Variants in CUBN observed in about 807,000 individuals in gnomAD.
CUBN encodes the protein 460 kDa receptor.
CUBN carries 282 observed loss-of-function variants against 405.3 expected under a neutral mutation model. The ratio of observed to expected loss-of-function variants is 0.70; its 90% CI spans 0.63 to 0.77. The LOEUF is 0.77. Ranked by LOEUF, CUBN falls within the 30% of genes least tolerant of loss-of-function variation. CUBN has a pLI of 0.00. For missense variants in CUBN, 4,514 were observed against 4,475.2 expected (o/e 1.01, Z -0.25); for synonymous variants, 1,684 against 1,617.0 (o/e 1.04, Z -0.99).
intron 28 of CUBN, among the ~76,000 whole-genome samples, chr10:17,005,696 A>C (rs1157360387): frequency 6.6e-6 from 1 of 152,120 alleles, no homozygotes; most frequent in Admixed American, 6.5e-5. Flanking sequence ...GATTATGTAT[A>C]TATTTCTACA....
chr10:17,071,296 T>A (rs1418161504), intron 19 of CUBN, 130 bp downstream of exon 19: 2 of 923,792 alleles, frequency 2.2e-6, no homozygotes, highest in East Asian at 5.3e-5. Context: ...GATTTTTACA[T>A]ATGTATCCAT....
At position 17,004,870 on chromosome 10, in the gene CUBN, G is replaced by A. The variant is rs373602516; in HGVS notation, c.4169-14355C>T. Among the ~76,000 whole-genome samples, 15 of 152,052 alleles carry A rather than the reference G, an allele frequency of 9.9e-5. No homozygotes were observed. In the East Asian group the frequency reaches 1.9e-3, roughly 20 times the overall value. ...TTTTTAGTAGAGATGGGGTGGGCCAGGCCAGTCTCAAACTCCTGACCTCAT... is the reference window on the plus strand; with the variant it reads ...TTTTTAGTAGAGATGGGGTGGGCCAAGCCAGTCTCAAACTCCTGACCTCAT... On this transcript the variant is annotated intron_variant, in intron 28 of 66. Coordinates refer to ENST00000377833, the MANE Select transcript of CUBN (RefSeq NM_001081.4).
At position 16,911,254 on chromosome 10, in the gene CUBN, C is replaced by T. The variant is rs552249375; in HGVS notation, c.7533+2557G>A. ...GAAAACAAAAGCAAATGTTGCCATA[C>T]TACACTACTTGGCTCAGTTGTGAAT... On this transcript the variant is annotated intron_variant, in intron 48 of 66. Transcript: ENST00000377833. 2.0e-5 allele frequency among the ~76,000 whole-genome samples: 3 copies of T among 152,310 alleles called. No individual in the cohort carries two copies. In the East Asian group the frequency reaches 5.8e-4, roughly 29 times the overall value.
At chr10:17,072,556 C>T (rs933988882) in intron 17 of CUBN, among the ~76,000 whole-genome samples, 1 of 151,670 alleles carries the variant, frequency 6.6e-6, no homozygotes, top group African/African-American at 2.4e-5. Flanking sequence ...GCTCTATGTA[C>T]AATTTTTTTA....
At chr10:16,982,087 G>T (rs900729342) in intron 31 of CUBN, among the ~76,000 whole-genome samples, 1 of 152,060 alleles carries the variant, frequency 6.6e-6, no homozygotes, top group African/African-American at 2.4e-5. Flanking sequence ...GGGCTTTTTT[G>T]GAAAATTTGC....
At chr10:16,962,560 G>T (rs1687714) in intron 31 of CUBN, among the ~76,000 whole-genome samples, 53,003 of 151,920 alleles carry the variant, frequency 0.35, 9,333 homozygotes, top group Middle Eastern at 0.44. Context: ...CCTCGTGATT[G>T]GTTCTAATTA....
intron 33 of CUBN, 60 bp downstream of exon 33, chr10:16,952,216 G>T: frequency 1.6e-6 from 2 of 1,216,980 alleles, no homozygotes; most frequent in South Asian, 2.4e-5. Flanking sequence ...CTCATAGACT[G>T]ACCTTCCCAC....
At position 17,027,291 on chromosome 10, in the gene CUBN, G is replaced by A. The variant is rs77948295; in HGVS notation, c.4018-7308C>T. On this transcript the variant is annotated intron_variant, in intron 27 of 66. Transcript: ENST00000377833. ...TAAGTGTTTCACAACAGGAATTGGT[G>A]GCTGTATTGTGATGATGGGATGAGC... 2.0e-5 allele frequency among the ~76,000 whole-genome samples: 3 copies of A among 152,238 alleles called. No individual in the cohort carries two copies. In the East Asian group the frequency reaches 5.8e-4, roughly 29 times the overall value.
At position 16,982,509 on chromosome 10, in the gene CUBN, A is replaced by G; in HGVS notation, c.4670T>C (p.Leu1557Pro). The change falls in exon 31 of 67, where the codon CTT becomes CCT. Residue 1557 changes from leucine to proline, a missense_variant. This residue lies in a region of CUBN where 1,613 missense variants were observed against 1,542.8 expected (regional missense o/e 1.05). Transcript: ENST00000377833. ...CATAATACAAGAGTCTTGTGGTTCA[A>G]GATCAAAGTCAGTGAAGTTCAAGAG... ...RVLLNFTDFD[L>P]EPQDSCIMAY... is the part of the protein sequence containing the mutation. 1 of 1,613,806 alleles carries G rather than the reference A, an allele frequency of 6.2e-7. No individual in the cohort carries two copies.
intron 31 of CUBN, among the ~76,000 whole-genome samples, chr10:16,971,085 G>A (rs1832916952): frequency 6.6e-6 from 1 of 152,162 alleles, no homozygotes. Context: ...TATTTAAAGA[G>A]TACACTTGAA....
At chr10:17,043,549 T>C (rs116526173) in intron 26 of CUBN, among the ~76,000 whole-genome samples, 17 of 152,360 alleles carry the variant, frequency 1.1e-4, no homozygotes, top group African/African-American at 4.1e-4. Context: ...TCTAAGTTTC[T>C]ATAGTTTGCC....
At chr10:16,860,621 T>C (rs1839986381) in intron 59 of CUBN, among the ~76,000 whole-genome samples, 2 of 152,238 alleles carry the variant, frequency 1.3e-5, no homozygotes, top group African/African-American at 4.8e-5. Context: ...TATTTTATTC[T>C]GCAAAGCACT....
At chr10:16,880,997 T>G (rs759887926) in intron 56 of CUBN, among the ~76,000 whole-genome samples, 18 of 152,180 alleles carry the variant, frequency 1.2e-4, no homozygotes, top group Non-Finnish European at 1.9e-4. Flanking sequence ...TATTGCCAAA[T>G]TATGTACCTT....
rs563149874 is a variant in CUBN at position 17,010,555 on chromosome 10, C to T, written c.4168+9278G>A. Reference sequence around the variant, plus strand: ...TCAAGAGGCTGAAGTGAGAGAATCACTTAAGCCTCAGAGCTCAAGGCTCCA... The same window carrying T: ...TCAAGAGGCTGAAGTGAGAGAATCATTTAAGCCTCAGAGCTCAAGGCTCCA... On this transcript the variant is annotated intron_variant, in intron 28 of 66. Coordinates refer to ENST00000377833, the MANE Select transcript of CUBN (RefSeq NM_001081.4). 1.2e-4 allele frequency among the ~76,000 whole-genome samples: 18 copies of T among 152,240 alleles called. No individual in the cohort carries two copies. The East Asian group carries it at 3.1e-3, about 26-fold the overall frequency.
chr10:17,117,557 T>C (rs987637294), intron 6 of CUBN, among the ~76,000 whole-genome samples: 4 of 152,122 alleles, frequency 2.6e-5, no homozygotes, highest in Non-Finnish European at 5.9e-5. Flanking sequence ...TATTTCTTTT[T>C]TTAGTAGAGA....
At chr10:16,883,463 C>T (rs1564401964) in intron 56 of CUBN, among the ~76,000 whole-genome samples, 4 of 152,110 alleles carry the variant, frequency 2.6e-5, no homozygotes. Context: ...ATTCTGAGTT[C>T]TTTAGAAACA....
intron 29 of CUBN, among the ~76,000 whole-genome samples, chr10:16,986,196 G>A (rs1432595096): frequency 6.6e-6 from 1 of 152,184 alleles, no homozygotes; most frequent in Non-Finnish European, 1.5e-5. Flanking sequence ...AGCCATCCAT[G>A]TACAGGCACT....
chr10:16,879,585 G>A (rs1840610461), intron 56 of CUBN, among the ~76,000 whole-genome samples: 2 of 152,294 alleles, frequency 1.3e-5, no homozygotes, highest in Admixed American at 6.5e-5. Flanking sequence ...TGACAAAATC[G>A]TTATGCACAC....
At chr10:16,837,314 CG>C (rs1229147286) in intron 62 of CUBN, among the ~76,000 whole-genome samples, 1 of 149,204 alleles carries the variant, frequency 6.7e-6, no homozygotes, top group South Asian at 2.3e-4. Flanking sequence ...GGGCCAGCCT[CG>C]GGGGAAGGGA....
Sources: gnomAD v4.1 joint callset for allele counts (sites outside exome capture counted in the v4.1 genomes callset) on GRCh38, gnomAD v4.1.1 for gene constraint, gnomAD v4.1.1 regional missense constraint, MANE v1.5 for transcripts, NCBI Gene and HGNC (gene_info 2026-07-23, HGNC 2026-07-21) for gene names.